Variants in AUH observed in about 807,000 individuals in gnomAD.
AUH encodes the protein AU RNA binding methylglutaconyl-CoA hydratase, also known as methylglutaconyl-CoA hydratase, mitochondrial.
AUH carries 29 observed loss-of-function variants against 42.3 expected under a neutral mutation model. The ratio of observed to expected loss-of-function variants is 0.69; its 90% CI spans 0.51 to 0.93. The LOEUF (loss-of-function observed/expected upper bound fraction) is 0.93, where lower values mean the gene tolerates loss of function less well. Ranked by LOEUF, AUH falls within the 40% of genes least tolerant of loss-of-function variation. The pLI is 0.00. For synonymous variants in AUH, 174 were observed against 166.4 expected, an observed-to-expected ratio of 1.05 and a Z score of -0.35; for missense variants, 452 against 438.1, an observed-to-expected ratio of 1.03 and a Z score of -0.28.
chr9:91,324,698 G>A (rs895597693), intron 4 of AUH, among the ~76,000 whole-genome samples: 1 of 150,664 alleles, frequency 6.6e-6, no homozygotes, highest in African/African-American at 2.4e-5. Flanking sequence ...GGAATGTGAG[G>A]AAACATATAC....
chr9:91,300,325 T>C (rs1827684889), intron 4 of AUH, among the ~76,000 whole-genome samples: 2 of 152,198 alleles, frequency 1.3e-5, no homozygotes, highest in Admixed American at 1.3e-4. Flanking sequence ...CTGTTGGACA[T>C]ACCCACTTAA....
chr9:91,323,514 T>C (rs2131847478), intron 4 of AUH, among the ~76,000 whole-genome samples: 1 of 152,072 alleles, frequency 6.6e-6, no homozygotes, highest in African/African-American at 2.4e-5. Context: ...TCTCAGCTAC[T>C]TGAGAGGCTG....
chr9:91,216,131 T>G (rs1826806551), intron 8 of AUH, 25 bp from the exon 9 acceptor site: 1 of 1,607,186 alleles, frequency 6.2e-7, no homozygotes, highest in Admixed American at 1.7e-5. Flanking sequence ...ATAATCCATT[T>G]CAGCAGAAAT....
chr9:91,231,199 G>A (rs1023437421), intron 6 of AUH, among the ~76,000 whole-genome samples: 8 of 152,160 alleles, frequency 5.3e-5, no homozygotes, highest in Non-Finnish European at 7.3e-5. Context: ...AGCAATCAGC[G>A]AGACTCCATG....
intron 6 of AUH, among the ~76,000 whole-genome samples, chr9:91,225,535 G>T (rs564751392): frequency 2.0e-5 from 3 of 151,938 alleles, no homozygotes; most frequent in East Asian, 3.9e-4. Flanking sequence ...TAAAGTGCCA[G>T]TTCTTTTTTT....
At chr9:91,316,745 T>C (rs1249327085) in intron 4 of AUH, among the ~76,000 whole-genome samples, 2 of 152,260 alleles carry the variant, frequency 1.3e-5, no homozygotes, top group African/African-American at 2.4e-5. Flanking sequence ...TATGCATGTA[T>C]TGATTCCTGT....
rs1826970782 is a variant in AUH, at chr9:91,218,867, T to C, written c.844-1540A>G. The C allele has an allele frequency of 5.1e-6, 5 of 985,336 alleles. No homozygotes were observed. In the Admixed American group the frequency reaches 1.8e-4, roughly 36 times the overall value. 61.0% of individuals were successfully genotyped at this position (985,336 alleles called of 1,614,324 possible). On this transcript the variant is annotated intron_variant, in intron 7 of 9. Coordinates refer to ENST00000375731, the MANE Select transcript of AUH (RefSeq NM_001698.3). ...AAAGGTGATTCCACTCAAACTTCAT[T>C]TGGTGACTCGTGCATGTAATTTTGC... is the stretch of plus-strand genomic sequence containing the variant.
At chr9:91,280,650 T>C (rs1241827457) in intron 6 of AUH, among the ~76,000 whole-genome samples, 4 of 152,230 alleles carry the variant, frequency 2.6e-5, no homozygotes, top group Non-Finnish European at 4.4e-5. Context: ...CTTTTCTGTA[T>C]AACTATCCTT....
intron 6 of AUH, among the ~76,000 whole-genome samples, chr9:91,231,791 T>C (rs1168051875): frequency 6.6e-6 from 1 of 152,154 alleles, no homozygotes; most frequent in East Asian, 1.9e-4. Flanking sequence ...TGAGGCTCCC[T>C]GGGCTGGAGC....
At chr9:91,309,831 T>C (rs298720) in intron 4 of AUH, among the ~76,000 whole-genome samples, 19,024 of 152,180 alleles carry the variant, frequency 0.13, 1,738 homozygotes, top group African/African-American at 0.26. Context: ...GCACAAACAA[T>C]TAAGAATATT....
At chr9:91,289,693 G>T (rs1826702022) in intron 6 of AUH, among the ~76,000 whole-genome samples, 1 of 151,992 alleles carries the variant, frequency 6.6e-6, no homozygotes, top group African/African-American at 2.4e-5. Flanking sequence ...CACAATTTTT[G>T]AAAAAAGCAG....
chr9:91,264,666 C>T (rs987540003), intron 6 of AUH, among the ~76,000 whole-genome samples: 3 of 152,124 alleles, frequency 2.0e-5, no homozygotes, highest in Non-Finnish European at 4.4e-5. Flanking sequence ...ACTATAATCC[C>T]AGCACTTTGG....
chr9:91,334,422 C>A (rs1830550921), intron 3 of AUH, among the ~76,000 whole-genome samples: 1 of 152,224 alleles, frequency 6.6e-6, no homozygotes, highest in Non-Finnish European at 1.5e-5. Flanking sequence ...GAACTGGCCT[C>A]TATTTTCCGC....
chr9:91,223,174 T>C (rs1332194392), intron 6 of AUH, among the ~76,000 whole-genome samples: 1 of 152,202 alleles, frequency 6.6e-6, no homozygotes, highest in Non-Finnish European at 1.5e-5. Context: ...GAGCTAACTT[T>C]CTGACCCATT....
chr9:91,230,633 A>C (rs374653196), intron 6 of AUH, among the ~76,000 whole-genome samples: 4 of 151,914 alleles, frequency 2.6e-5, no homozygotes, highest in South Asian at 2.1e-4. Context: ...AGGCACTCTG[A>C]TTTTTAGAGT....
chr9:91,335,511 T>C (rs1830629677), intron 3 of AUH, among the ~76,000 whole-genome samples: 2 of 152,234 alleles, frequency 1.3e-5, no homozygotes, highest in South Asian at 2.1e-4. Context: ...GGCTCTATTA[T>C]CCTTACTACT....
intron 3 of AUH, among the ~76,000 whole-genome samples, chr9:91,341,636 C>G (rs1212665236): frequency 2.6e-5 from 4 of 152,208 alleles, no homozygotes; most frequent in African/African-American, 9.7e-5. Context: ...CCTCAACAAC[C>G]AAAATGGTTC....
At chr9:91,222,492 C>T (rs1169459537) in intron 6 of AUH, among the ~76,000 whole-genome samples, 2 of 152,144 alleles carry the variant, frequency 1.3e-5, no homozygotes, top group Non-Finnish European at 2.9e-5. Context: ...CTGCCCAAGC[C>T]GTTAGAGATG....
intron 1 of AUH, among the ~76,000 whole-genome samples, chr9:91,359,691 C>A (rs570792302): frequency 6.6e-6 from 1 of 152,170 alleles, no homozygotes; most frequent in South Asian, 2.1e-4. Flanking sequence ...TACTTACCCC[C>A]ACCCACCTAA....
Sources: gnomAD v4.1 joint callset for allele counts (sites outside exome capture counted in the v4.1 genomes callset) on GRCh38, gnomAD v4.1.1 for gene constraint, MANE v1.5 for transcripts, NCBI Gene and HGNC (gene_info 2026-07-23, HGNC 2026-07-21) for gene names.